The following TLL2 variants were observed in gnomAD, a reference collection of about 807,000 sequenced individuals.
TLL2 encodes the protein tolloid like 2.
A neutral mutation model predicts 123.0 loss-of-function variants in TLL2; 106 were observed. The observed-to-expected ratio is 0.86, with a 90% CI of 0.74 to 1.01. TLL2 has a LOEUF of 1.01. TLL2 is among the 50% of genes least tolerant of loss of function. The pLI, the probability that TLL2 is intolerant of heterozygous loss-of-function variation, is 0.00. For missense variants in TLL2, 1,332 were observed against 1,336.7 expected, an observed-to-expected ratio of 1.00 and a Z score of 0.06; for synonymous variants, 494 against 516.8, an observed-to-expected ratio of 0.96 and a Z score of 0.60.
intron 1 of TLL2, among the ~76,000 whole-genome samples, chr10:96,512,348 A>T (rs964392808): frequency 3.3e-5 from 5 of 152,248 alleles, no homozygotes; most frequent in Non-Finnish European, 7.3e-5. Context: ...CCCACAAATC[A>T]CCTGAGTCCT....
At chr10:96,431,150 G>A (rs370974771) in intron 4 of TLL2, among the ~76,000 whole-genome samples, 8 of 152,174 alleles carry the variant, frequency 5.3e-5, no homozygotes, top group East Asian at 1.9e-4. Context: ...AACACAGTTA[G>A]GATACCAAGG....
At chr10:96,462,879 A>G (rs2134095323) in intron 2 of TLL2, among the ~76,000 whole-genome samples, 1 of 152,344 alleles carries the variant, frequency 6.6e-6, no homozygotes, top group Non-Finnish European at 1.5e-5. Flanking sequence ...AACAAAAAGC[A>G]CAAAAATGCT....
chr10:96,404,871 C>T (rs1846434580), intron 10 of TLL2, among the ~76,000 whole-genome samples: 1 of 152,046 alleles, frequency 6.6e-6, no homozygotes. Context: ...TTTTTAATGG[C>T]TGGGAAGTTT....
intron 8 of TLL2, among the ~76,000 whole-genome samples, chr10:96,411,181 G>A (rs1218096566): frequency 6.6e-6 from 1 of 150,738 alleles, no homozygotes; most frequent in Non-Finnish European, 1.5e-5. Flanking sequence ...AGGCTGGGAG[G>A]TGGAGAGTGC....
chr10:96,492,664 C>T (rs1413656986), intron 1 of TLL2, among the ~76,000 whole-genome samples: 1 of 152,158 alleles, frequency 6.6e-6, no homozygotes, highest in Non-Finnish European at 1.5e-5. Flanking sequence ...TCCAATTCTC[C>T]CCAAAGTTCC....
At chr10:96,398,501 T>C (rs749727224) in intron 10 of TLL2, among the ~76,000 whole-genome samples, 15 of 152,236 alleles carry the variant, frequency 9.9e-5, no homozygotes, top group Non-Finnish European at 2.1e-4. Context: ...GGGATCATCA[T>C]AGACAAACTT....
Position 96,371,831 on chromosome 10 carries a change from G to A in TLL2, c.2663-1516C>T, listed in dbSNP as rs113977728. Among the ~76,000 whole-genome samples the A allele has an allele frequency of 2.5e-3, 380 of 152,290 alleles. 1 individual carries two copies. The highest frequency in any genetic ancestry group is 8.7e-3 in the African/African-American group (360 of 41,560). ...GAGGGAGGGAGGCGAGAGAAGCCAG[G>A]GTATTTAGTCCCCTGATTGCCACAG... On this transcript the variant is annotated intron_variant, in intron 19 of 20. Coordinates refer to ENST00000357947, the MANE Select transcript of TLL2 (RefSeq NM_012465.4).
intron 3 of TLL2, among the ~76,000 whole-genome samples, chr10:96,441,520 T>C (rs751535814): frequency 2.0e-5 from 3 of 152,150 alleles, no homozygotes; most frequent in Non-Finnish European, 4.4e-5. Flanking sequence ...CCCCAGGTGA[T>C]TACAAAGCTC....
At chr10:96,497,606 G>A (rs1040308668) in intron 1 of TLL2, among the ~76,000 whole-genome samples, 2 of 152,084 alleles carry the variant, frequency 1.3e-5, no homozygotes, top group Non-Finnish European at 2.9e-5. Context: ...ACATCCCTCC[G>A]CAACTTCCCC....
chr10:96,448,984 T>C (rs1378395130), intron 2 of TLL2, among the ~76,000 whole-genome samples: 2 of 152,082 alleles, frequency 1.3e-5, no homozygotes, highest in African/African-American at 4.8e-5. Flanking sequence ...AGGGATAATA[T>C]GTAGTGAATA....
chr10:96,479,567 C>T (rs1215896323), intron 2 of TLL2, among the ~76,000 whole-genome samples: 1 of 152,242 alleles, frequency 6.6e-6, no homozygotes, highest in Non-Finnish European at 1.5e-5. Context: ...CCCAGCACCC[C>T]AAGGGCACCT....
intron 1 of TLL2, among the ~76,000 whole-genome samples, chr10:96,503,361 A>C (rs1847551901): frequency 6.6e-6 from 1 of 152,176 alleles, no homozygotes; most frequent in South Asian, 2.1e-4. Context: ...GCCTCATTTA[A>C]TCCTCAAACA....
At chr10:96,373,473 G>T (rs552270476) in intron 19 of TLL2, 123 bp downstream of exon 19, 1 of 888,528 alleles carries the variant, frequency 1.1e-6, no homozygotes, top group Non-Finnish European at 1.7e-6. Flanking sequence ...ATTTTATCAC[G>T]CACCTTCCTC....
chr10:96,483,935 C>A (rs779547431), intron 1 of TLL2, among the ~76,000 whole-genome samples: 1 of 152,196 alleles, frequency 6.6e-6, no homozygotes, highest in Non-Finnish European at 1.5e-5. Flanking sequence ...CTCTGCCTCC[C>A]AGATTCAAGC....
chr10:96,398,359 G>A (rs952148002), intron 10 of TLL2, among the ~76,000 whole-genome samples: 1 of 152,108 alleles, frequency 6.6e-6, no homozygotes, highest in Non-Finnish European at 1.5e-5. Context: ...TGCCAGTCAG[G>A]GTGGCAGGAT....
At chr10:96,492,180 T>A (rs1315343949) in intron 1 of TLL2, among the ~76,000 whole-genome samples, 1 of 151,062 alleles carries the variant, frequency 6.6e-6, no homozygotes, top group Non-Finnish European at 1.5e-5. Context: ...CTCTCACCAG[T>A]TTCAAGAGGA....
chr10:96,390,521 G>C (rs1276358195), intron 13 of TLL2, among the ~76,000 whole-genome samples: 9 of 152,236 alleles, frequency 5.9e-5, no homozygotes, highest in Non-Finnish European at 8.8e-5. Context: ...ATCAGGTACA[G>C]AGGCCAACTG....
In TLL2 at chr10:96,386,232, G is replaced by GA; in HGVS notation, c.1853-18dup. ...CACAGGCCACTGCACGGGGGAAACA[G>GA]AAACAGGATTCATTTGGCTTTGGCT... On this transcript the variant is annotated splice_polypyrimidine_tract_variant and intron_variant, in intron 14 of 20. Coordinates refer to ENST00000357947, the MANE Select transcript of TLL2 (RefSeq NM_012465.4). The GA allele has an allele frequency of 6.5e-7, 1 of 1,546,340 alleles. No homozygotes were observed. The highest frequency in any genetic ancestry group is 8.7e-7 in the Non-Finnish European group (1 of 1,144,438).
chr10:96,386,555 A>G (rs916381434), intron 14 of TLL2, among the ~76,000 whole-genome samples: 2 of 152,252 alleles, frequency 1.3e-5, no homozygotes, highest in South Asian at 4.1e-4. Flanking sequence ...TGCATGAACA[A>G]GCGGATTCAT....
Sources: allele counts gnomAD v4.1 joint callset (sites outside exome capture counted in the v4.1 genomes callset), GRCh38; gene constraint gnomAD v4.1.1; transcripts MANE v1.5; gene names NCBI Gene and HGNC (gene_info 2026-07-23, HGNC 2026-07-21).